NKAIN2: variants seen among roughly 807,000 people sequenced by gnomAD.
NKAIN2 encodes sodium/potassium transporting ATPase interacting 2.
Under a neutral mutation model 32.6 loss-of-function variants are expected in NKAIN2, and 14 were observed. That is an observed-to-expected ratio of 0.43 (90% CI 0.28 to 0.67). The LOEUF is 0.67. Among genes scored for constraint, NKAIN2 ranks in the 30% least tolerant of loss-of-function variants. NKAIN2 has a pLI of 0.17. For synonymous variants in NKAIN2, 80 were observed against 87.2 expected (o/e 0.92, Z 0.46); for missense variants, 198 against 258.3 (o/e 0.77, Z 1.60).
intron 3 of NKAIN2, among the ~76,000 whole-genome samples, chr6:124,559,344 G>A (rs1019668216): frequency 6.6e-6 from 1 of 152,144 alleles, no homozygotes; most frequent in Non-Finnish European, 1.5e-5. Context: ...AGGGCTTTTA[G>A]CTGAGTTTTG....
At chr6:124,473,246 A>G (rs1235406390) in intron 3 of NKAIN2, among the ~76,000 whole-genome samples, 1 of 152,214 alleles carries the variant, frequency 6.6e-6, no homozygotes, top group African/African-American at 2.4e-5. Context: ...AACAATGCTC[A>G]TTGTAAGTCT....
At chr6:124,545,308 G>GA (rs1780055609) in intron 3 of NKAIN2, among the ~76,000 whole-genome samples, 1 of 152,060 alleles carries the variant, frequency 6.6e-6, no homozygotes, top group African/African-American at 2.4e-5. Context: ...TAGAAACAAT[G>GA]AAAAAAATCA....
At chr6:124,194,047 T>C (rs73770356) in intron 1 of NKAIN2, among the ~76,000 whole-genome samples, 5,692 of 152,124 alleles carry the variant, frequency 0.037, 364 homozygotes, top group African/African-American at 0.13. Context: ...TGAATGAGTC[T>C]GGGGCTTTTA....
chr6:124,821,928 G>A, intron 6 of NKAIN2, among the ~76,000 whole-genome samples: 1 of 152,184 alleles, frequency 6.6e-6, no homozygotes, highest in Non-Finnish European at 1.5e-5. Context: ...GTGCAGCCAT[G>A]ATTATCAACG....
chr6:123,931,012 G>A (rs369297307), intron 1 of NKAIN2, among the ~76,000 whole-genome samples: 8 of 151,966 alleles, frequency 5.3e-5, no homozygotes, highest in East Asian at 1.9e-4. Flanking sequence ...TTTTGCCTGC[G>A]ATGAAGGCGG....
At chr6:124,652,601 G>T (rs904059064) in intron 3 of NKAIN2, among the ~76,000 whole-genome samples, 2 of 152,106 alleles carry the variant, frequency 1.3e-5, no homozygotes, top group Non-Finnish European at 2.9e-5. Flanking sequence ...CAATAAACAA[G>T]AATTTATTTT....
chr6:124,342,559 G>A (rs1798178103), intron 2 of NKAIN2, among the ~76,000 whole-genome samples: 2 of 151,800 alleles, frequency 1.3e-5, no homozygotes, highest in Non-Finnish European at 2.9e-5. Context: ...CCAGGCTGAA[G>A]CACAGTGGGA....
chr6:124,122,002 A>G (rs1785909375), intron 1 of NKAIN2: 2 of 464,322 alleles, frequency 4.3e-6, no homozygotes, highest in Admixed American at 3.5e-5. Flanking sequence ...TATTTGAAGA[A>G]CTCATGACCA....
chr6:124,651,591 C>G (rs1279276339), intron 3 of NKAIN2, among the ~76,000 whole-genome samples: 1 of 152,064 alleles, frequency 6.6e-6, no homozygotes. Context: ...GAACAGTGGC[C>G]CGAGCTGTAC....
intron 3 of NKAIN2, among the ~76,000 whole-genome samples, chr6:124,623,561 A>T (rs1020308977): frequency 9.2e-5 from 14 of 152,220 alleles, no homozygotes; most frequent in African/African-American, 3.1e-4. Context: ...AGAAAATTTG[A>T]AGATGCAAGC....
chr6:124,418,076 G>A (rs1774574361), intron 3 of NKAIN2, among the ~76,000 whole-genome samples: 1 of 152,032 alleles, frequency 6.6e-6, no homozygotes, highest in Non-Finnish European at 1.5e-5. Flanking sequence ...CAGCTTGAGA[G>A]ACTTATTAGG....
chr6:124,267,474 A>G (rs150090184), intron 1 of NKAIN2, among the ~76,000 whole-genome samples: 1 of 132,168 alleles, frequency 7.6e-6, no homozygotes. Flanking sequence ...TGGCAAAACC[A>G]TGTCTCTAAA....
chr6:124,504,125 ATG>A (rs1279567200), intron 3 of NKAIN2, among the ~76,000 whole-genome samples: 1 of 152,142 alleles, frequency 6.6e-6, no homozygotes, highest in East Asian at 1.9e-4. Context: ...GAATTCAAAT[ATG>A]TGTGTATATG....
At chr6:124,553,834 T>G (rs1463009874) in intron 3 of NKAIN2, among the ~76,000 whole-genome samples, 1 of 152,212 alleles carries the variant, frequency 6.6e-6, no homozygotes, top group Non-Finnish European at 1.5e-5. Flanking sequence ...GGGGGTTGTT[T>G]GAGGAAGGGA....
chr6:124,524,288 AAT>A (rs1779230024), intron 3 of NKAIN2, among the ~76,000 whole-genome samples: 3 of 152,216 alleles, frequency 2.0e-5, no homozygotes, highest in African/African-American at 7.2e-5. Flanking sequence ...TGCAAATAAA[AAT>A]AGTCCTTTCC....
chr6:124,262,914 C>A (rs1479437367), intron 1 of NKAIN2, among the ~76,000 whole-genome samples: 1 of 152,138 alleles, frequency 6.6e-6, no homozygotes, highest in Non-Finnish European at 1.5e-5. Context: ...CTTAGTTAAC[C>A]ACTTGGTGCT....
intron 3 of NKAIN2, among the ~76,000 whole-genome samples, chr6:124,626,104 C>T (rs1159163423): frequency 2.4e-5 from 3 of 125,662 alleles, no homozygotes; most frequent in African/African-American, 9.1e-5. Flanking sequence ...TCCCCACACC[C>T]CACAACAGTC....
At chr6:123,908,712 A>G (rs1231073022) in intron 1 of NKAIN2, among the ~76,000 whole-genome samples, 3 of 152,202 alleles carry the variant, frequency 2.0e-5, no homozygotes, top group Non-Finnish European at 4.4e-5. Flanking sequence ...TATCTGACTC[A>G]TGTAGTTGAA....
At chr6:124,162,261 C>T (rs1788319425) in intron 1 of NKAIN2, among the ~76,000 whole-genome samples, 1 of 152,046 alleles carries the variant, frequency 6.6e-6, no homozygotes, top group South Asian at 2.1e-4. Flanking sequence ...ATAGTATGCG[C>T]TCCATAGGAA....
Sources: gnomAD v4.1 joint callset for allele counts (sites outside exome capture counted in the v4.1 genomes callset) on GRCh38, gnomAD v4.1.1 for gene constraint, MANE v1.5 for transcripts, NCBI Gene and HGNC (gene_info 2026-07-23, HGNC 2026-07-21) for gene names.